Variants in AFF3 observed in about 807,000 individuals in gnomAD.
AFF3 encodes AF4/FMR2 family member 3.
A neutral mutation model predicts 129.7 loss-of-function variants in AFF3; 32 were observed. That is an observed-to-expected ratio of 0.25 (90% CI 0.19 to 0.33). The LOEUF (loss-of-function observed/expected upper bound fraction) is 0.33. Ranked by LOEUF, AFF3 falls within the 10% of genes least tolerant of loss-of-function variation. The pLI is 1.00. For missense variants in AFF3, 1,373 were observed against 1,592.0 expected, an observed-to-expected ratio of 0.86 and a Z score of 2.34; for synonymous variants, 644 against 635.4, an observed-to-expected ratio of 1.01 and a Z score of -0.20.
intron 17 of AFF3, among the ~76,000 whole-genome samples, chr2:99,578,902 A>G (rs1677246959): frequency 6.6e-6 from 1 of 152,238 alleles, no homozygotes; most frequent in Non-Finnish European, 1.5e-5. Context: ...TCTGGGATTC[A>G]GCAGGGCTGG....
At chr2:99,556,768 A>G (rs949196651) in intron 22 of AFF3, among the ~76,000 whole-genome samples, 3 of 151,964 alleles carry the variant, frequency 2.0e-5, no homozygotes, top group African/African-American at 7.3e-5. Flanking sequence ...CAAAAAATGA[A>G]AAAATGAGCT....
chr2:99,729,402 A>G (rs1354502993), intron 10 of AFF3, among the ~76,000 whole-genome samples: 6 of 152,162 alleles, frequency 3.9e-5, no homozygotes, highest in Non-Finnish European at 5.9e-5. Flanking sequence ...GCAAATAGGA[A>G]GGATATAGTG....
intron 4 of AFF3, among the ~76,000 whole-genome samples, chr2:100,023,790 A>G (rs1004344106): frequency 2.0e-5 from 3 of 152,206 alleles, no homozygotes; most frequent in Non-Finnish European, 2.9e-5. Flanking sequence ...AATATCATCA[A>G]TACCTAAATG....
chr2:100,020,679 A>C (rs1030446884), intron 4 of AFF3, among the ~76,000 whole-genome samples: 3 of 151,808 alleles, frequency 2.0e-5, no homozygotes, highest in African/African-American at 7.2e-5. Context: ...TATCCAATCA[A>C]CCCTCTCTAG....
At chr2:100,027,942 T>G (rs1684180918) in intron 4 of AFF3, among the ~76,000 whole-genome samples, 1 of 152,214 alleles carries the variant, frequency 6.6e-6, no homozygotes, top group Non-Finnish European at 1.5e-5. Context: ...ATGAAAACAT[T>G]GGTAATTCTG....
Position 100,104,476 on chromosome 2 carries a change from C to A in AFF3, c.-22G>T. The A allele has an allele frequency of 7.7e-7, 1 of 1,304,762 alleles. No individual in the cohort carries two copies. Among genetic ancestry groups the A allele is most frequent in the South Asian group, 1.4e-5 (1 of 72,080 alleles). 80.8% of individuals were successfully genotyped at this position (1,304,762 alleles called of 1,614,324 possible). ...CCATGGTGGGAGGTGTCAGCGTCGC[C>A]GCCGCCGCTACCGCCGCCGCCGAGG... On this transcript the variant is annotated 5_prime_UTR_variant, in exon 4 of 25. Coordinates refer to ENST00000672756, the MANE Select transcript of AFF3 (RefSeq NM_001386135.1).
chr2:99,805,851 C>CACACA (rs57054788), intron 8 of AFF3, among the ~76,000 whole-genome samples: 1 of 150,330 alleles, frequency 6.7e-6, no homozygotes. Context: ...CACACACACA[C>CACACA]GATGAAGGAA....
chr2:99,953,644 A>AAGTTATATTGTAATACCCATTCTGGGGC, intron 7 of AFF3, among the ~76,000 whole-genome samples: 1 of 152,368 alleles, frequency 6.6e-6, no homozygotes, highest in South Asian at 2.1e-4. Flanking sequence ...TGAACTAAGA[A>AAGTTATATTGTAATACCCATTCTGGGGC]AGTTATATTG....
At chr2:99,981,806 T>C (rs1679430855) in intron 7 of AFF3, among the ~76,000 whole-genome samples, 1 of 152,210 alleles carries the variant, frequency 6.6e-6, no homozygotes, top group Non-Finnish European at 1.5e-5. Context: ...TGAGATCATG[T>C]TTTTAAAAAT....
chr2:100,083,816 G>T (rs1689211044), intron 4 of AFF3, among the ~76,000 whole-genome samples: 1 of 152,052 alleles, frequency 6.6e-6, no homozygotes, highest in Non-Finnish European at 1.5e-5. Context: ...GAATGGAGGG[G>T]GTGGTGGAAG....
At chr2:99,995,567 T>A (rs945852925) in intron 7 of AFF3, among the ~76,000 whole-genome samples, 1 of 151,934 alleles carries the variant, frequency 6.6e-6, no homozygotes, top group South Asian at 2.1e-4. Context: ...AGAGATGGGG[T>A]TTCACCATGT....
chr2:100,078,548 A>G (rs1688783456), intron 4 of AFF3, among the ~76,000 whole-genome samples: 1 of 152,218 alleles, frequency 6.6e-6, no homozygotes, highest in African/African-American at 2.4e-5. Context: ...GGCCAAGAGC[A>G]TCAGGTCTTG....
At chr2:100,049,278 G>C (rs1348106599) in intron 4 of AFF3, among the ~76,000 whole-genome samples, 5 of 152,184 alleles carry the variant, frequency 3.3e-5, no homozygotes, top group African/African-American at 9.6e-5. Context: ...AGGCCACTCT[G>C]TCTTGATGGG....
intron 7 of AFF3, among the ~76,000 whole-genome samples, chr2:99,930,895 T>C (rs1696627739): frequency 6.6e-6 from 1 of 152,156 alleles, no homozygotes; most frequent in Non-Finnish European, 1.5e-5. Flanking sequence ...GATGTACATA[T>C]TTTTTTAAAG....
intron 13 of AFF3, among the ~76,000 whole-genome samples, chr2:99,609,779 T>C (rs986278191): frequency 1.3e-5 from 2 of 152,166 alleles, no homozygotes; most frequent in East Asian, 1.9e-4. Context: ...TACAGTACAA[T>C]ACCAAAACCA....
chr2:99,632,008 CTTTTTTTTTT>C (rs745651225), intron 13 of AFF3, among the ~76,000 whole-genome samples: 3 of 76,884 alleles, frequency 3.9e-5, no homozygotes, highest in East Asian at 4.1e-4. Context: ...CTTGCCAACA[CTTTTTTTTTT>C]TTTTTTTTTT....
intron 4 of AFF3, among the ~76,000 whole-genome samples, chr2:100,065,643 T>G (rs1687663750): frequency 2.0e-5 from 3 of 152,216 alleles, no homozygotes. Context: ...AACATTAAAA[T>G]AATTTTGGGA....
At chr2:100,105,764 C>T (rs1265874112) in intron 2 of AFF3, 181 bp from the exon 3 acceptor site, 1 of 1,360,850 alleles carries the variant, frequency 7.3e-7, no homozygotes, top group African/African-American at 1.5e-5. Context: ...CTCCAAGGCC[C>T]CCTGACTCTC....
At chr2:99,916,055 A>G (rs1326231226) in intron 7 of AFF3, among the ~76,000 whole-genome samples, 1 of 152,174 alleles carries the variant, frequency 6.6e-6, no homozygotes, top group Non-Finnish European at 1.5e-5. Flanking sequence ...AACTAGATGG[A>G]TCTTTTCTCA....
Sources: gnomAD v4.1 joint callset for allele counts (sites outside exome capture counted in the v4.1 genomes callset) on GRCh38, gnomAD v4.1.1 for gene constraint, MANE v1.5 for transcripts, NCBI Gene and HGNC (gene_info 2026-07-23, HGNC 2026-07-21) for gene names.